The following NPY2R variants were observed in gnomAD, a reference collection of about 807,000 sequenced individuals.
NPY2R encodes the protein neuropeptide Y receptor Y2, also known as neuropeptide Y receptor type 2.
In NPY2R, 17 loss-of-function variants were observed where a neutral mutation model predicts 22.3. That is an observed-to-expected ratio of 0.76 (90% CI 0.52 to 1.14). The LOEUF is 1.14. Among genes scored for constraint, NPY2R ranks in the 50% most tolerant of loss-of-function variants. NPY2R has a pLI of 0.00. For missense variants in NPY2R, 424 were observed against 467.9 expected (o/e 0.91, Z 0.87); for synonymous variants, 209 against 183.4 (o/e 1.14, Z -1.13).
chr4:155,189,133 T>G, the NPY2R span, among the ~76,000 whole-genome samples: 1 of 152,072 alleles, frequency 6.6e-6, no homozygotes, highest in African/African-American at 2.4e-5. Flanking sequence ...TTTACATTGC[T>G]ACCAGAATGT....
At chr4:155,175,047 G>T in the NPY2R span, among the ~76,000 whole-genome samples, 1 of 152,084 alleles carries the variant, frequency 6.6e-6, no homozygotes, top group African/African-American at 2.4e-5. Context: ...TAATTCATTT[G>T]TGAAGCCTTA....
chr4:155,174,523 G>A, the NPY2R span, among the ~76,000 whole-genome samples: 1 of 134,040 alleles, frequency 7.5e-6, no homozygotes, highest in Non-Finnish European at 1.5e-5. Context: ...TCTGTTTTAA[G>A]TATTTGGATC....
the NPY2R span, among the ~76,000 whole-genome samples, chr4:155,185,237 A>C: frequency 1.3e-5 from 2 of 152,006 alleles, no homozygotes; most frequent in East Asian, 3.9e-4. Flanking sequence ...ACGGGGTTTC[A>C]CCATATTGGC....
chr4:155,194,879 G>A, the NPY2R span, among the ~76,000 whole-genome samples: 1 of 151,792 alleles, frequency 6.6e-6, no homozygotes, highest in South Asian at 2.1e-4. Context: ...CCTTTGCTCT[G>A]CAACCTCTCC....
At chr4:155,213,694 T>C (rs1198151621) in intron 1 of NPY2R, among the ~76,000 whole-genome samples, 198 bp from the exon 2 acceptor site, 1 of 152,226 alleles carries the variant, frequency 6.6e-6, no homozygotes, top group Non-Finnish European at 1.5e-5. Context: ...TGATCCATAT[T>C]TGACAATAGA....
the NPY2R span, among the ~76,000 whole-genome samples, chr4:155,176,891 G>A: frequency 3.3e-5 from 5 of 152,112 alleles, no homozygotes; most frequent in Non-Finnish European, 4.4e-5. Flanking sequence ...GGACAAAGCG[G>A]GAGGAGGATG....
Position 155,216,607 on chromosome 4 carries a change from T to C in NPY2R, c.*1522T>C, listed in dbSNP as rs1729521913. The C allele has an allele frequency of 6.0e-6, 1 of 166,976 alleles. No homozygotes were observed. Among genetic ancestry groups the C allele is most frequent in the Admixed American group, 6.5e-5 (1 of 15,276 alleles). The allele number at this position is 166,976 out of a possible 1,614,324, so 10.3% of individuals were successfully genotyped here. A position where few individuals can be genotyped will look rare whatever the true frequency, so the allele number is the denominator to read the frequency against. On this transcript the variant is annotated 3_prime_UTR_variant, in exon 2 of 2. Transcript: ENST00000329476. Reference sequence around the variant, plus strand: ...ACTTTGTGGATATATTTAAAATTCATATTATAGCTCCTATTAAATTCCTTC... The same window carrying C: ...ACTTTGTGGATATATTTAAAATTCACATTATAGCTCCTATTAAATTCCTTC...
At position 155,215,449 on chromosome 4, in the gene NPY2R, G is replaced by T; in HGVS notation, c.*364G>T. 1 of 372,028 alleles carries T rather than the reference G, an allele frequency of 2.7e-6. No individual in the cohort carries two copies. 23.0% of individuals were successfully genotyped at this position (372,028 alleles called of 1,614,324 possible). A position where few individuals can be genotyped will look rare whatever the true frequency, so the allele number is the denominator to read the frequency against. Reference sequence around the variant, plus strand: ...GAAAATAAGTTGACTTTCAAATCACGTTAGGACCTGGATTGAGGAGGTGTG... The same window carrying T: ...GAAAATAAGTTGACTTTCAAATCACTTTAGGACCTGGATTGAGGAGGTGTG... On this transcript the variant is annotated 3_prime_UTR_variant, in exon 2 of 2. Coordinates refer to ENST00000329476, the MANE Select transcript of NPY2R (RefSeq NM_000910.4).
chr4:155,178,540 T>C, the NPY2R span, among the ~76,000 whole-genome samples: 1 of 152,250 alleles, frequency 6.6e-6, no homozygotes, highest in African/African-American at 2.4e-5. Flanking sequence ...AAGTCTTCTA[T>C]AACATTTTGG....
chr4:155,189,228 T>A, the NPY2R span, among the ~76,000 whole-genome samples: 1 of 152,150 alleles, frequency 6.6e-6, no homozygotes, highest in South Asian at 2.1e-4. Flanking sequence ...ATAATGCAAC[T>A]AGCTGGCCTG....
chr4:155,183,217 T>C, the NPY2R span, among the ~76,000 whole-genome samples: 5 of 152,198 alleles, frequency 3.3e-5, no homozygotes, highest in African/African-American at 1.2e-4. Flanking sequence ...ATACAAGTTG[T>C]ATAACAAGTT....
In NPY2R at chr4:155,214,656, C is replaced by T; in HGVS notation, c.717C>T (p.Tyr239=). 3 of 1,614,240 alleles carry T rather than the reference C, an allele frequency of 1.9e-6. No homozygotes were observed. Among genetic ancestry groups the T allele is most frequent in the Non-Finnish European group, 1.7e-6 (2 of 1,180,028 alleles). Residue 239 remains tyrosine, a synonymous_variant, in exon 2 of 2, where the codon TAC becomes TAT. Transcript: ENST00000329476. ...CTCTGGGCATTATATCATTTTCCTACACTCGCATTTGGAGTAAATTGAAGA... is the reference window on the plus strand; with the variant it reads ...CTCTGGGCATTATATCATTTTCCTATACTCGCATTTGGAGTAAATTGAAGA... The part of the protein sequence containing the change: ...VLPLGIISFS[Y]TRIWSKLKNH...
chr4:155,190,780 T>C, the NPY2R span, among the ~76,000 whole-genome samples: 1 of 151,904 alleles, frequency 6.6e-6, no homozygotes, highest in Non-Finnish European at 1.5e-5. Flanking sequence ...TATGTCTATA[T>C]TCGTCAAATG....
At chr4:155,173,876 T>C in the NPY2R span, 1 of 152,066 alleles carries the variant, frequency 6.6e-6, no homozygotes, top group Non-Finnish European at 1.5e-5. Context: ...TTGTGTTGCT[T>C]AAAAGAAAGA....
At chr4:155,210,961 T>G (rs1322594072) in intron 1 of NPY2R, among the ~76,000 whole-genome samples, 3 of 140,806 alleles carry the variant, frequency 2.1e-5, no homozygotes, top group African/African-American at 8.4e-5. Flanking sequence ...GGAATTAATT[T>G]AACAGGGTCT....
the NPY2R span, among the ~76,000 whole-genome samples, chr4:155,187,399 T>C: frequency 6.6e-6 from 1 of 152,210 alleles, no homozygotes; most frequent in Non-Finnish European, 1.5e-5. Flanking sequence ...TTTCTGGTCA[T>C]TGTCGCCGTT....
the NPY2R span, among the ~76,000 whole-genome samples, chr4:155,202,378 A>T: frequency 1.3e-5 from 2 of 152,144 alleles, no homozygotes; most frequent in East Asian, 1.9e-4. Context: ...TGTTTAATGT[A>T]TTTCTTTATT....
At chr4:155,191,479 C>T in the NPY2R span, among the ~76,000 whole-genome samples, 4 of 151,844 alleles carry the variant, frequency 2.6e-5, no homozygotes, top group Non-Finnish European at 5.9e-5. Context: ...AAAACTTTCC[C>T]ATTTTTTCAG....
chr4:155,186,849 T>C, the NPY2R span, among the ~76,000 whole-genome samples: 4 of 152,194 alleles, frequency 2.6e-5, no homozygotes, highest in South Asian at 8.3e-4. Flanking sequence ...TATCTAAGAA[T>C]TTACCTGGAC....
Sources: allele counts gnomAD v4.1 joint callset (sites outside exome capture counted in the v4.1 genomes callset), GRCh38; gene constraint gnomAD v4.1.1; transcripts MANE v1.5; gene names NCBI Gene and HGNC (gene_info 2026-07-23, HGNC 2026-07-21).